Variants in SCLT1 observed in about 807,000 individuals in gnomAD.
SCLT1 encodes the protein sodium channel and clathrin linker 1.
In SCLT1, 78 loss-of-function variants were observed where a neutral mutation model predicts 112.8. The ratio of observed to expected loss-of-function variants is 0.69; its 90% CI spans 0.58 to 0.83. The LOEUF (loss-of-function observed/expected upper bound fraction) is 0.83, where lower values mean the gene tolerates loss of function less well. SCLT1 is among the 40% of genes least tolerant of loss of function. The pLI, the probability that SCLT1 is intolerant of heterozygous loss-of-function variation, is 0.00. For missense variants in SCLT1, 747 were observed against 770.4 expected, an observed-to-expected ratio of 0.97 and a Z score of 0.36; for synonymous variants, 257 against 254.7, an observed-to-expected ratio of 1.01 and a Z score of -0.09.
In SCLT1 at chr4:128,906,044, G is replaced by GT. The variant is rs553517823; in HGVS notation, c.1830-14908dup. Among the ~76,000 whole-genome samples the GT allele has an allele frequency of 7.6e-3, 1,142 of 150,854 alleles. 11 individuals are homozygous for GT. Among genetic ancestry groups the GT allele is most frequent in the African/African-American group, 0.026 (1,087 of 41,122 alleles). On this transcript the variant is annotated intron_variant, in intron 18 of 20. Coordinates refer to ENST00000281142, the MANE Select transcript of SCLT1 (RefSeq NM_144643.4). Reference sequence around the variant, plus strand: ...AGAATGTAACTGGCAATCAAAAGGTGTTTTTTTTTAGCCTATGCATGCTTT... The same window carrying GT: ...AGAATGTAACTGGCAATCAAAAGGTGTTTTTTTTTTAGCCTATGCATGCTTT...
chr4:128,904,676 T>C (rs1734561170), intron 18 of SCLT1, among the ~76,000 whole-genome samples: 1 of 152,156 alleles, frequency 6.6e-6, no homozygotes, highest in Non-Finnish European at 1.5e-5. Context: ...GAGATGTTAG[T>C]AAAGCAAATC....
At chr4:128,978,733 C>T (rs1045033092) in intron 9 of SCLT1, among the ~76,000 whole-genome samples, 1 of 152,104 alleles carries the variant, frequency 6.6e-6, no homozygotes. Flanking sequence ...AAGAAAGTAT[C>T]TGAGGAGTCA....
At chr4:128,961,406 T>C (rs1398279448) in intron 11 of SCLT1, among the ~76,000 whole-genome samples, 1 of 152,202 alleles carries the variant, frequency 6.6e-6, no homozygotes. Context: ...TAGTAGAGTA[T>C]GTTGCATTGA....
At chr4:129,076,190 G>A (rs559425156) in intron 2 of SCLT1, among the ~76,000 whole-genome samples, 1 of 152,142 alleles carries the variant, frequency 6.6e-6, no homozygotes, top group African/African-American at 2.4e-5. Flanking sequence ...CTACAGAACA[G>A]GGATCCTTTG....
At chr4:128,949,338 CT>C (rs1738490791) in intron 14 of SCLT1, among the ~76,000 whole-genome samples, 1 of 151,682 alleles carries the variant, frequency 6.6e-6, no homozygotes, top group South Asian at 2.1e-4. Context: ...CTGGCCTCCA[CT>C]GCAGAGTGCC....
chr4:129,056,407 T>C (rs534997201), intron 2 of SCLT1, among the ~76,000 whole-genome samples: 1 of 152,330 alleles, frequency 6.6e-6, no homozygotes, highest in Admixed American at 6.5e-5. Context: ...TTGGTTACTA[T>C]AGCTTTATAG....
chr4:129,093,508 G>A lies in SCLT1; in HGVS notation c.-405C>T, dbSNP rs939385983. On this transcript the variant is annotated 5_prime_UTR_variant, in exon 1 of 21. Transcript: ENST00000281142. ...GGGTTGGAGAGGACAACGCCAAGAC[G>A]GCTGGGAAGCCCCAGGCCAGCAGCG... 3 of 186,904 alleles carry A rather than the reference G, an allele frequency of 1.6e-5. No homozygotes were observed. The highest frequency in any genetic ancestry group is 4.7e-5 in the African/African-American group (2 of 42,766). 11.6% of individuals were successfully genotyped at this position (186,904 alleles called of 1,614,324 possible).
At chr4:128,967,423 A>C (rs770468084) in intron 10 of SCLT1, among the ~76,000 whole-genome samples, 5 of 152,188 alleles carry the variant, frequency 3.3e-5, no homozygotes, top group Non-Finnish European at 7.4e-5. Flanking sequence ...TTCTTTGAGA[A>C]ATCTCCAAAC....
rs148879138 is a variant in SCLT1 at position 128,984,754 on chromosome 4, T to G, written c.686+7413A>C. ...TCTTAACCTTGAATGTAAAGTTGAA[T>G]TTTTACACTATTCATTCCATGACCT... On this transcript the variant is annotated intron_variant, in intron 9 of 20. Coordinates refer to ENST00000281142, the MANE Select transcript of SCLT1 (RefSeq NM_144643.4). Among the ~76,000 whole-genome samples, 126 of 152,254 alleles carry G rather than the reference T, an allele frequency of 8.3e-4. 2 individuals carry two copies. Among genetic ancestry groups the G allele is most frequent in the African/African-American group, 3.0e-3 (123 of 41,560 alleles).
intron 18 of SCLT1, among the ~76,000 whole-genome samples, chr4:128,908,434 A>ATACAGCC (rs1734854958): frequency 6.6e-6 from 1 of 151,902 alleles, no homozygotes; most frequent in Non-Finnish European, 1.5e-5. Context: ...CATTACAGAT[A>ATACAGCC]TACAGCCAAG....
At chr4:128,878,698 AT>A (rs1424700410) in intron 3 of SCLT1, among the ~76,000 whole-genome samples, 1 of 152,228 alleles carries the variant, frequency 6.6e-6, no homozygotes, top group Non-Finnish European at 1.5e-5. Context: ...GTCGATTAAA[AT>A]TGGTGAAATT....
intron 2 of SCLT1, among the ~76,000 whole-genome samples, chr4:129,078,535 TA>T (rs558793404): frequency 8.0e-4 from 121 of 152,026 alleles, no homozygotes; most frequent in African/African-American, 2.0e-3. Context: ...TAAGTATGCA[TA>T]AAAATTATAT....
chr4:129,058,786 C>G (rs2125727374), intron 2 of SCLT1, among the ~76,000 whole-genome samples: 1 of 152,194 alleles, frequency 6.6e-6, no homozygotes, highest in South Asian at 2.1e-4. Flanking sequence ...CAGTCCAATG[C>G]TGAGAGTGGG....
chr4:128,980,113 G>A (rs1051803955), intron 9 of SCLT1, among the ~76,000 whole-genome samples: 10 of 152,162 alleles, frequency 6.6e-5, no homozygotes. Flanking sequence ...ATAAGGAACT[G>A]TCTGGCAATT....
chr4:129,009,290 C>CTGG (rs1378102697), intron 5 of SCLT1, among the ~76,000 whole-genome samples: 1 of 152,032 alleles, frequency 6.6e-6, no homozygotes, highest in Non-Finnish European at 1.5e-5. Flanking sequence ...CCAAGGCAGG[C>CTGG]AGATCATGAG....
Position 129,044,025 on chromosome 4 carries a change from G to A in SCLT1, c.129C>T (p.Asp43=), listed in dbSNP as rs143126188. 8.2e-5 allele frequency: 128 copies of A among 1,568,536 alleles called. No individual in the cohort carries two copies. Among genetic ancestry groups the A allele is most frequent in the Admixed American group, 8.0e-4 (46 of 57,230 alleles). The change falls in exon 3 of 21, where the codon GAC becomes GAT. Residue 43 remains aspartate (D), a synonymous_variant. Coordinates refer to ENST00000281142, the MANE Select transcript of SCLT1 (RefSeq NM_144643.4). The part of the protein sequence containing the change: ...VQKAVCQGEG[D]DTFENLVFDQ... ...CAAATACTAGGTTTTCAAATGTGTCGTCTCCTTCTCCTTGGCAGACAGCTT... is the reference window on the plus strand; with the variant it reads ...CAAATACTAGGTTTTCAAATGTGTCATCTCCTTCTCCTTGGCAGACAGCTT...
At chr4:128,978,066 T>A (rs1465886046) in intron 9 of SCLT1, among the ~76,000 whole-genome samples, 1 of 152,198 alleles carries the variant, frequency 6.6e-6, no homozygotes, top group East Asian at 1.9e-4. Context: ...GCAAAAATTC[T>A]GAGGTTTGAT....
At chr4:128,933,367 A>G (rs1348447604) in intron 18 of SCLT1, among the ~76,000 whole-genome samples, 1 of 152,116 alleles carries the variant, frequency 6.6e-6, no homozygotes, top group Non-Finnish European at 1.5e-5. Context: ...GAAGTCATGA[A>G]TTTAAAAAAT....
intron 6 of SCLT1, among the ~76,000 whole-genome samples, chr4:129,003,019 G>T (rs192894959): frequency 6.6e-6 from 1 of 152,216 alleles, no homozygotes; most frequent in East Asian, 1.9e-4. Context: ...CAATAGCAAA[G>T]ACTTGGAACC....
Sources: allele counts gnomAD v4.1 joint callset (sites outside exome capture counted in the v4.1 genomes callset), GRCh38; gene constraint gnomAD v4.1.1; transcripts MANE v1.5; gene names NCBI Gene and HGNC (gene_info 2026-07-23, HGNC 2026-07-21).